Variants in ZNF407 observed in about 807,000 individuals in gnomAD.
ZNF407 encodes the protein zinc finger protein 407.
ZNF407 carries 17 observed loss-of-function variants against 131.2 expected under a neutral mutation model. The ratio of observed to expected loss-of-function variants is 0.13; its 90% CI spans 0.09 to 0.19. ZNF407 has a LOEUF of 0.19. Ranked by LOEUF, ZNF407 falls within the 10% of genes least tolerant of loss-of-function variation. The pLI is 1.00. For missense variants in ZNF407, 2,681 were observed against 2,830.6 expected (o/e 0.95, Z 1.20); for synonymous variants, 1,156 against 1,062.0 (o/e 1.09, Z -1.72).
At chr18:74,892,687 C>A (rs1971401924) in intron 7 of ZNF407, among the ~76,000 whole-genome samples, 1 of 152,144 alleles carries the variant, frequency 6.6e-6, no homozygotes, top group Non-Finnish European at 1.5e-5. Flanking sequence ...ATCCAAAAAT[C>A]AATTTTTGGA....
At chr18:74,672,476 G>GCACTGTTTGTTCATTGGAT (rs1986183742) in intron 3 of ZNF407, among the ~76,000 whole-genome samples, 1 of 148,680 alleles carries the variant, frequency 6.7e-6, no homozygotes, top group Non-Finnish European at 1.5e-5. Flanking sequence ...GTTCATTGGA[G>GCACTGTTTGTTCATTGGAT]CACCGTTTGT....
intron 8 of ZNF407, among the ~76,000 whole-genome samples, chr18:75,038,800 A>G (rs1482288089): frequency 6.6e-6 from 1 of 152,244 alleles, no homozygotes; most frequent in Non-Finnish European, 1.5e-5. Flanking sequence ...CCAAGCATAC[A>G]CATGGAATAC....
chr18:75,056,801 A>G (rs1973567259), intron 8 of ZNF407, among the ~76,000 whole-genome samples: 1 of 152,192 alleles, frequency 6.6e-6, no homozygotes, highest in Non-Finnish European at 1.5e-5. Flanking sequence ...TGAAATTTCT[A>G]AAAGGTTATA....
chr18:75,023,421 TATA>T (rs1259659484), intron 8 of ZNF407, among the ~76,000 whole-genome samples: 4 of 152,156 alleles, frequency 2.6e-5, no homozygotes, highest in Non-Finnish European at 5.9e-5. Flanking sequence ...ATATCCTAAT[TATA>T]ATTAATAGTA....
At chr18:75,013,548 G>C (rs1973008567) in intron 8 of ZNF407, among the ~76,000 whole-genome samples, 1 of 152,130 alleles carries the variant, frequency 6.6e-6, no homozygotes, top group African/African-American at 2.4e-5. Flanking sequence ...ATGTTCTCCA[G>C]ATTTTGCCCA....
intron 1 of ZNF407, among the ~76,000 whole-genome samples, chr18:74,623,339 T>TGA (rs1555716422): frequency 8.1e-5 from 8 of 99,330 alleles, no homozygotes; most frequent in Admixed American, 7.8e-4. Flanking sequence ...AAACTGCATG[T>TGA]GTGAGTGTGA....
At chr18:74,751,989 CA>C (rs1968815283) in intron 3 of ZNF407, among the ~76,000 whole-genome samples, 1 of 152,216 alleles carries the variant, frequency 6.6e-6, no homozygotes, top group Admixed American at 6.5e-5. Context: ...GTCCCACCAA[CA>C]GTGTAAAAGT....
At chr18:74,892,520 G>T (rs1248606162) in intron 7 of ZNF407, among the ~76,000 whole-genome samples, 4 of 152,156 alleles carry the variant, frequency 2.6e-5, no homozygotes, top group African/African-American at 4.8e-5. Context: ...AGGGTTTCAG[G>T]TTTCCCCTCA....
intron 3 of ZNF407, among the ~76,000 whole-genome samples, chr18:74,710,876 G>A (rs1458778222): frequency 6.6e-6 from 1 of 152,164 alleles, no homozygotes; most frequent in Non-Finnish European, 1.5e-5. Context: ...AATGGAGAAT[G>A]GAAAAACTGG....
intron 8 of ZNF407, among the ~76,000 whole-genome samples, chr18:75,057,480 T>G (rs1353744870): frequency 2.6e-5 from 4 of 152,084 alleles, no homozygotes; most frequent in African/African-American, 9.7e-5. Flanking sequence ...TATTACAAGT[T>G]TTTTTTTAAA....
intron 3 of ZNF407, among the ~76,000 whole-genome samples, chr18:74,776,306 T>A (rs1414788047): frequency 6.6e-6 from 1 of 152,176 alleles, no homozygotes; most frequent in African/African-American, 2.4e-5. Context: ...CTGTAAGCAA[T>A]AAATGTCTGT....
intron 8 of ZNF407, among the ~76,000 whole-genome samples, chr18:74,981,397 A>G (rs1972591760): frequency 6.6e-6 from 1 of 152,016 alleles, no homozygotes; most frequent in African/African-American, 2.4e-5. Context: ...ACTCAATATC[A>G]CTCTGCTCGA....
rs550334786 is a variant in ZNF407, at chr18:75,006,129, G to A, written c.5429-57021G>A. ...TCAGGGATCAGCCTCAGAACTGATG[G>A]AGCTGCGACGTGCAGTCCTAATATT... On this transcript the variant is annotated intron_variant, in intron 8 of 8. Coordinates refer to ENST00000299687, the MANE Select transcript of ZNF407 (RefSeq NM_017757.3). 7.2e-5 allele frequency among the ~76,000 whole-genome samples: 11 copies of A among 152,280 alleles called. No homozygotes were observed. In the South Asian group the frequency reaches 2.3e-3, roughly 32 times the overall value.
At chr18:74,784,230 C>T (rs535860580) in intron 4 of ZNF407, among the ~76,000 whole-genome samples, 1 of 152,272 alleles carries the variant, frequency 6.6e-6, no homozygotes, top group East Asian at 1.9e-4. Context: ...ACAGTATAAT[C>T]AGTTTTAAAA....
At chr18:74,660,155 G>C (rs978990904) in intron 3 of ZNF407, among the ~76,000 whole-genome samples, 1 of 152,066 alleles carries the variant, frequency 6.6e-6, no homozygotes, top group African/African-American at 2.4e-5. Context: ...AATGCAAATT[G>C]CATCTGATGA....
chr18:74,907,430 T>C (rs1449857991), intron 7 of ZNF407, among the ~76,000 whole-genome samples: 1 of 152,196 alleles, frequency 6.6e-6, no homozygotes. Context: ...CCTCCATGCC[T>C]CTGAGGGTGT....
chr18:74,935,753 G>A (rs1972032472), intron 8 of ZNF407, among the ~76,000 whole-genome samples: 1 of 152,156 alleles, frequency 6.6e-6, no homozygotes, highest in African/African-American at 2.4e-5. Context: ...GAGACTGTAG[G>A]CAATAATGTG....
intron 4 of ZNF407, among the ~76,000 whole-genome samples, chr18:74,789,662 G>A (rs1473469771): frequency 6.6e-6 from 1 of 152,070 alleles, no homozygotes; most frequent in Admixed American, 6.5e-5. Context: ...CTGGGCTGGT[G>A]GATTCGCAGT....
rs373866198 is a variant in ZNF407, at chr18:75,063,651, A to C, written c.5930A>C (p.Glu1977Ala). 1 of 1,603,156 alleles carries C rather than the reference A, an allele frequency of 6.2e-7. No homozygotes were observed. The highest frequency in any genetic ancestry group is 1.3e-5 in the African/African-American group (1 of 74,602). ...VTKQEILNLSEAGVAPPEASS... is the reference protein window; with the variant it reads ...VTKQEILNLSAAGVAPPEASS... ...AAGCAGGAGATTTTAAACCTCTCGGAGGCTGGAGTCGCTCCCCCCGAGGCA... is the reference window on the plus strand; with the variant it reads ...AAGCAGGAGATTTTAAACCTCTCGGCGGCTGGAGTCGCTCCCCCCGAGGCA... Residue 1977 changes from glutamate (E) to alanine (A), a missense_variant, in exon 9 of 9, where the codon GAG (glutamate) becomes GCG (alanine). Transcript: ENST00000299687. The surrounding 1 kb of genome is among the most constrained non-coding windows in gnomAD (Gnocchi z 6.6).
Sources: gnomAD v4.1 joint callset for allele counts (sites outside exome capture counted in the v4.1 genomes callset) on GRCh38, gnomAD v4.1.1 for gene constraint, Gnocchi (gnomAD v3.1) non-coding constraint, MANE v1.5 for transcripts, NCBI Gene and HGNC (gene_info 2026-07-23, HGNC 2026-07-21) for gene names.